LIPI: variants seen among roughly 807,000 people sequenced by gnomAD.
LIPI encodes lipase I.
Under a neutral mutation model 50.6 loss-of-function variants are expected in LIPI, and 59 were observed. That is an observed-to-expected ratio of 1.16 (90% CI 0.94 to 1.45). The LOEUF (loss-of-function observed/expected upper bound fraction) is 1.45, where lower values mean the gene tolerates loss of function less well. LIPI is among the 40% of genes most tolerant of loss of function. LIPI has a pLI of 0.00. For synonymous variants in LIPI, 203 were observed against 178.2 expected, an observed-to-expected ratio of 1.14 and a Z score of -1.11; for missense variants, 586 against 536.3, an observed-to-expected ratio of 1.09 and a Z score of -0.92.
intron 9 of LIPI, among the ~76,000 whole-genome samples, chr21:14,131,378 G>A (rs1481565137): frequency 6.6e-6 from 1 of 152,076 alleles, no homozygotes; most frequent in Non-Finnish European, 1.5e-5. Context: ...TAGCATCCAA[G>A]TCCCCATCAA....
intron 8 of LIPI, among the ~76,000 whole-genome samples, chr21:14,150,859 G>A (rs1391794244): frequency 1.3e-5 from 2 of 152,088 alleles, no homozygotes; most frequent in Non-Finnish European, 2.9e-5. Flanking sequence ...TCTTCTTTGG[G>A]TGACGGAAGG....
chr21:14,156,479 C>T (rs924665962), intron 7 of LIPI, among the ~76,000 whole-genome samples: 2 of 151,832 alleles, frequency 1.3e-5, no homozygotes, highest in African/African-American at 4.8e-5. Flanking sequence ...GTATATTCTC[C>T]CCTGAGCCTC....
At position 14,189,348 on chromosome 21, in the gene LIPI, T is replaced by C. The variant is rs1487419240; in HGVS notation, c.118A>G (p.Arg40Gly). The part of the protein sequence containing the change: ...KDSFRDLFIP[R>G]IETILMMYTR... ...TACATCATCAGAATGGTCTCTATTCTCGGAATAAATAAATCTCTGAAGGAA... is the reference window on the plus strand; with the variant it reads ...TACATCATCAGAATGGTCTCTATTCCCGGAATAAATAAATCTCTGAAGGAA... Residue 40 changes from arginine (R) to glycine (G), a missense_variant, in exon 2 of 10, where the codon AGA (arginine) becomes GGA (glycine). Transcript: ENST00000681601. 2 of 1,612,646 alleles carry C rather than the reference T, an allele frequency of 1.2e-6. No homozygotes were observed. Among genetic ancestry groups the C allele is most frequent in the Non-Finnish European group, 1.7e-6 (2 of 1,178,780 alleles).
chr21:14,167,269 C>A (rs575601864), intron 4 of LIPI, among the ~76,000 whole-genome samples: 3 of 152,216 alleles, frequency 2.0e-5, no homozygotes, highest in Non-Finnish European at 4.4e-5. Context: ...TCTGTAGGCT[C>A]CACCTCTAGG....
At chr21:14,193,782 A>G (rs972137206) in intron 1 of LIPI, among the ~76,000 whole-genome samples, 1 of 152,132 alleles carries the variant, frequency 6.6e-6, no homozygotes, top group Non-Finnish European at 1.5e-5. Flanking sequence ...AAATGAGTAA[A>G]TTGGACTTAA....
intron 4 of LIPI, among the ~76,000 whole-genome samples, chr21:14,167,392 G>A (rs555605558): frequency 6.6e-6 from 1 of 152,308 alleles, no homozygotes; most frequent in East Asian, 1.9e-4. Flanking sequence ...GGAGATCTGA[G>A]AACGGGCAGA....
chr21:14,136,270 T>C (rs1441207249), intron 9 of LIPI, among the ~76,000 whole-genome samples: 1 of 151,944 alleles, frequency 6.6e-6, no homozygotes, highest in Admixed American at 6.6e-5. Flanking sequence ...GCTCGTGGGG[T>C]TCACAATTCC....
intron 4 of LIPI, among the ~76,000 whole-genome samples, chr21:14,172,703 C>G (rs1193124788): frequency 6.7e-6 from 1 of 148,642 alleles, no homozygotes; most frequent in African/African-American, 2.5e-5. Context: ...ACATCACACT[C>G]TGGGGACTGT....
rs200779531 is a variant in LIPI, at chr21:14,184,957, C to CT, written c.541+1003dup. 7.8e-3 allele frequency among the ~76,000 whole-genome samples: 1,180 copies of CT among 152,210 alleles called. 11 individuals carry two copies. The highest frequency in any genetic ancestry group is 0.018 in the African/African-American group (747 of 41,532). ...CTATATGTTATTCACCTCTTTCCCC[C>CT]TTTTTTGAAACTTAACTAAGGACAC... On this transcript the variant is annotated intron_variant, in intron 3 of 9. Coordinates refer to ENST00000681601, the MANE Select transcript of LIPI (RefSeq NM_001302998.2).
chr21:14,197,792 A>G (rs762337798), intron 1 of LIPI, among the ~76,000 whole-genome samples: 1 of 152,090 alleles, frequency 6.6e-6, no homozygotes, highest in Non-Finnish European at 1.5e-5. Flanking sequence ...ACTTCACAAG[A>G]AGATCATCCC....
At chr21:14,177,861 A>G (rs428652) in intron 4 of LIPI, among the ~76,000 whole-genome samples, 26,626 of 152,032 alleles carry the variant, frequency 0.18, 2,766 homozygotes, top group South Asian at 0.27. Flanking sequence ...TTTTCCTTCC[A>G]CCTGAAGAAT....
intron 9 of LIPI, among the ~76,000 whole-genome samples, chr21:14,115,199 C>T (rs868791336): frequency 2.6e-5 from 4 of 152,162 alleles, no homozygotes; most frequent in African/African-American, 7.2e-5. Flanking sequence ...TTGCTAATTT[C>T]ATATTCCTTG....
At position 14,201,808 on chromosome 21, in the gene LIPI, T is replaced by C. The variant is rs567163804; in HGVS notation, c.46+8992A>G. Among the ~76,000 whole-genome samples, 30 of 152,252 alleles carry C rather than the reference T, an allele frequency of 2.0e-4. 1 individual carries two copies. In the South Asian group the frequency reaches 6.0e-3, roughly 30 times the overall value. On this transcript the variant is annotated intron_variant, in intron 1 of 9. Transcript: ENST00000681601. Reference sequence around the variant, plus strand: ...GGATGCCCTCTCTCACCAATCCTATTCAACATAGTGTTGGAAGTTCTGGCC... The same window carrying C: ...GGATGCCCTCTCTCACCAATCCTATCCAACATAGTGTTGGAAGTTCTGGCC...
chr21:14,162,352 C>A (rs1326771850), intron 7 of LIPI, among the ~76,000 whole-genome samples: 1 of 151,474 alleles, frequency 6.6e-6, no homozygotes, highest in East Asian at 2.0e-4. Context: ...ACAAAGATTC[C>A]TTGTGGTGAT....
At chr21:14,115,556 G>C (rs939175459) in intron 9 of LIPI, among the ~76,000 whole-genome samples, 6 of 152,170 alleles carry the variant, frequency 3.9e-5, no homozygotes, top group African/African-American at 1.2e-4. Context: ...ATCTGGGATT[G>C]GAGATTGTAG....
At chr21:14,163,227 C>T (rs754156889) in intron 7 of LIPI, among the ~76,000 whole-genome samples, 192 bp downstream of exon 7, 1 of 151,636 alleles carries the variant, frequency 6.6e-6, no homozygotes, top group Non-Finnish European at 1.5e-5. Context: ...ATTACCCAAG[C>T]GTCTCTCCAT....
At chr21:14,187,909 G>A (rs1183754856) in intron 2 of LIPI, among the ~76,000 whole-genome samples, 1 of 152,162 alleles carries the variant, frequency 6.6e-6, no homozygotes, top group Non-Finnish European at 1.5e-5. Flanking sequence ...AAATTACACA[G>A]ATGATAAAAG....
At chr21:14,131,672 C>T (rs928751323) in intron 9 of LIPI, among the ~76,000 whole-genome samples, 4 of 152,084 alleles carry the variant, frequency 2.6e-5, no homozygotes, top group Admixed American at 6.5e-5. Flanking sequence ...AAATATGACA[C>T]CACCAAGGGA....
At chr21:14,165,489 G>T in intron 5 of LIPI, 99 bp from the exon 6 acceptor site, 1 of 817,550 alleles carries the variant, frequency 1.2e-6, no homozygotes, top group East Asian at 2.6e-5. Context: ...TAAATACTAT[G>T]TACCTTATGA....
Sources: gnomAD v4.1 joint callset for allele counts (sites outside exome capture counted in the v4.1 genomes callset) on GRCh38, gnomAD v4.1.1 for gene constraint, MANE v1.5 for transcripts, NCBI Gene and HGNC (gene_info 2026-07-23, HGNC 2026-07-21) for gene names.